The following DCAF12 variants were observed in gnomAD, a reference collection of about 807,000 sequenced individuals.
The protein encoded by DCAF12 is DDB1 and CUL4 associated factor 12.
A neutral mutation model predicts 52.8 loss-of-function variants in DCAF12; 28 were observed. The observed-to-expected ratio is 0.53, with a 90% confidence interval of 0.39 to 0.73. The LOEUF (loss-of-function observed/expected upper bound fraction) is 0.73, where lower values mean the gene tolerates loss of function less well. Among genes scored for constraint, DCAF12 ranks in the 30% least tolerant of loss-of-function variants. The probability of loss-of-function intolerance (pLI) is 0.00; values close to 1 mark genes in which losing one functional copy is unlikely to be tolerated. For synonymous variants in DCAF12, 196 were observed against 215.5 expected (o/e 0.91, Z 0.79); for missense variants, 425 against 552.2 (o/e 0.77, Z 2.31).
chr9:34,094,678 C>G (rs2131427112), intron 6 of DCAF12, among the ~76,000 whole-genome samples: 1 of 151,834 alleles, frequency 6.6e-6, no homozygotes, highest in East Asian at 2.0e-4. Flanking sequence ...CTACAAGCGC[C>G]CACCACCACG....
intron 4 of DCAF12, among the ~76,000 whole-genome samples, chr9:34,101,860 C>A (rs1021725480): frequency 2.6e-5 from 4 of 151,528 alleles, no homozygotes; most frequent in Non-Finnish European, 4.4e-5. Context: ...ACCAAAAATA[C>A]AAAAAATTAG....
chr9:34,102,602 G>A (rs541725192), intron 4 of DCAF12, among the ~76,000 whole-genome samples: 50 of 151,388 alleles, frequency 3.3e-4, no homozygotes, highest in East Asian at 1.4e-3. Context: ...GCAGTGAGCC[G>A]AGATCACACC....
Position 34,106,422 on chromosome 9 carries a change from G to A in DCAF12, c.601+12C>T. On this transcript the variant is annotated intron_variant, in intron 4 of 8. Transcript: ENST00000361264. ...GCCACATCAAAAGCTCCCTATAAAA[G>A]GGCAACTTTACCAGACACTGCCATA... The A allele has an allele frequency of 6.3e-7, 1 of 1,599,196 alleles. No individual in the cohort carries two copies. The highest frequency in any genetic ancestry group is 1.7e-5 in the Admixed American group (1 of 59,252).
rs1000108798 is a variant in DCAF12, at chr9:34,103,231, G to A, written c.601+3203C>T. Among the ~76,000 whole-genome samples the A allele has an allele frequency of 2.0e-5, 3 of 149,896 alleles. No homozygotes were observed. In the Admixed American group the frequency reaches 2.0e-4, roughly 10 times the overall value. On this transcript the variant is annotated intron_variant, in intron 4 of 8. Transcript: ENST00000361264. ...TCAAGACCAACCTGGCCAACATGTT[G>A]TAAGCCATCTCTACTAAAAAGACAA... is the stretch of plus-strand genomic sequence containing the variant.
intron 4 of DCAF12, among the ~76,000 whole-genome samples, chr9:34,103,034 G>C (rs1456543890): frequency 7.8e-6 from 1 of 128,594 alleles, no homozygotes; most frequent in Non-Finnish European, 1.7e-5. Context: ...AGGCTGCAGT[G>C]AGCCATGATC....
At chr9:34,121,878 G>A (rs1829180405) in intron 2 of DCAF12, among the ~76,000 whole-genome samples, 1 of 152,178 alleles carries the variant, frequency 6.6e-6, no homozygotes, top group Non-Finnish European at 1.5e-5. Flanking sequence ...AGGAGGCAGA[G>A]GTTGCAGTGA....
intron 5 of DCAF12, among the ~76,000 whole-genome samples, chr9:34,097,123 A>G (rs1207680587): frequency 2.0e-5 from 3 of 152,162 alleles, no homozygotes; most frequent in South Asian, 2.1e-4. Context: ...ACTCTAATTT[A>G]GGAGAGATTA....
intron 5 of DCAF12, among the ~76,000 whole-genome samples, 192 bp from the exon 6 acceptor site, chr9:34,096,973 C>T (rs1828745458): frequency 6.6e-6 from 1 of 152,068 alleles, no homozygotes; most frequent in Non-Finnish European, 1.5e-5. Context: ...ATTGAGGCTG[C>T]CAGCAATAAC....
rs118034221 is a variant in DCAF12 at position 34,126,001 on chromosome 9, G to A, written c.78+353C>T. 6.1e-3 allele frequency among the ~76,000 whole-genome samples: 931 copies of A among 152,150 alleles called. 4 individuals are homozygous for A. Among genetic ancestry groups the A allele is most frequent in the Non-Finnish European group, 0.01 (702 of 67,988 alleles). ...GGACGCAATCATCCCAGCTTCCTAGGGCCCATGGAAGGTAGAGTTCACTCT... is the reference window on the plus strand; with the variant it reads ...GGACGCAATCATCCCAGCTTCCTAGAGCCCATGGAAGGTAGAGTTCACTCT... On this transcript the variant is annotated intron_variant, in intron 1 of 8. Transcript: ENST00000361264.
rs1352827872 is a variant in DCAF12, at chr9:34,107,530, G to C, written c.369C>G (p.Thr123=). 1.2e-6 allele frequency: 2 copies of C among 1,614,044 alleles called. No individual in the cohort carries two copies. Among genetic ancestry groups the C allele is most frequent in the African/African-American group, 2.7e-5 (2 of 74,900 alleles). Residue 123 remains threonine (T), a synonymous_variant, in exon 3 of 9, where the codon ACC becomes ACG. Coordinates refer to ENST00000361264, the MANE Select transcript of DCAF12 (RefSeq NM_015397.4). ...FVVDVQTSQI[T]KIPILKDREP... ...CCCGGTCTTTCAGAATGGGGATCTT[G>C]GTGATCTGGCTTGTCTGGACATCTA...
intron 5 of DCAF12, among the ~76,000 whole-genome samples, chr9:34,097,163 G>T (rs2131428683): frequency 6.6e-6 from 1 of 152,066 alleles, no homozygotes; most frequent in African/African-American, 2.4e-5. Flanking sequence ...ATACAGATGG[G>T]ATAGGAGGTT....
At chr9:34,113,716 T>C (rs866457609) in intron 2 of DCAF12, among the ~76,000 whole-genome samples, 3 of 152,192 alleles carry the variant, frequency 2.0e-5, no homozygotes, top group Admixed American at 2.0e-4. Context: ...AACTCTTCCA[T>C]TAGGCATTTC....
Position 34,088,304 on chromosome 9 carries a change from C to T in DCAF12, c.*46G>A. The T allele has an allele frequency of 6.7e-7, 1 of 1,486,060 alleles. No homozygotes were observed. 92.1% of individuals were successfully genotyped at this position (1,486,060 alleles called of 1,614,324 possible). On this transcript the variant is annotated 3_prime_UTR_variant, in exon 9 of 9. Coordinates refer to ENST00000361264, the MANE Select transcript of DCAF12 (RefSeq NM_015397.4). The stretch of plus-strand genomic sequence containing the variant: ...AAAAAAATCAAAAGAAACAAGGAAA[C>T]TGAGAATGGAAGTTAGTGTAAATCT...
chr9:34,099,687 G>A (rs1403872998), intron 4 of DCAF12, among the ~76,000 whole-genome samples: 2 of 151,254 alleles, frequency 1.3e-5, no homozygotes, highest in Non-Finnish European at 2.9e-5. Flanking sequence ...ACCACCTCCC[G>A]GGTTCAAGCG....
At chr9:34,094,519 G>A (rs1014429346) in intron 6 of DCAF12, among the ~76,000 whole-genome samples, 6 of 151,696 alleles carry the variant, frequency 4.0e-5, no homozygotes, top group Non-Finnish European at 7.4e-5. Context: ...TTTGAATTTC[G>A]GATTTCTCCA....
chr9:34,091,024 A>T (rs993349175), intron 7 of DCAF12, among the ~76,000 whole-genome samples: 1 of 152,078 alleles, frequency 6.6e-6, no homozygotes, highest in Admixed American at 6.6e-5. Context: ...AAGCATTTTA[A>T]CTATAATTAA....
chr9:34,124,477 G>C (rs1031323199), intron 2 of DCAF12, among the ~76,000 whole-genome samples: 2 of 152,152 alleles, frequency 1.3e-5, no homozygotes, highest in African/African-American at 2.4e-5. Context: ...ACTTTCCAAA[G>C]AGCTAATGCT....
chr9:34,117,046 A>C (rs778892268), intron 2 of DCAF12, among the ~76,000 whole-genome samples: 5 of 152,234 alleles, frequency 3.3e-5, no homozygotes, highest in Non-Finnish European at 7.3e-5. Flanking sequence ...TGAGCTGTGA[A>C]TCTAAACTGT....
intron 2 of DCAF12, among the ~76,000 whole-genome samples, chr9:34,108,589 C>A (rs547862176): frequency 6.6e-6 from 1 of 151,950 alleles, no homozygotes; most frequent in Non-Finnish European, 1.5e-5. Flanking sequence ...CTTGAGAGTT[C>A]GAGATCAGCC....
Sources: gnomAD v4.1 joint callset for allele counts (sites outside exome capture counted in the v4.1 genomes callset) on GRCh38, gnomAD v4.1.1 for gene constraint, MANE v1.5 for transcripts, NCBI Gene and HGNC (gene_info 2026-07-23, HGNC 2026-07-21) for gene names.